CDH13: variants seen among roughly 807,000 people sequenced by gnomAD.
CDH13 encodes cadherin-13.
In CDH13, 24 loss-of-function variants were observed where a neutral mutation model predicts 63.8. That is an observed-to-expected ratio of 0.38 (90% CI 0.27 to 0.53). The LOEUF (loss-of-function observed/expected upper bound fraction) is 0.53. Ranked by LOEUF, CDH13 falls within the 20% of genes least tolerant of loss-of-function variation. The probability of loss-of-function intolerance (pLI) is 0.85; values close to 1 mark genes in which losing one functional copy is unlikely to be tolerated. For synonymous variants in CDH13, 503 were observed against 355.3 expected, an observed-to-expected ratio of 1.42 and a Z score of -4.67; for missense variants, 1,049 against 903.1, an observed-to-expected ratio of 1.16 and a Z score of -2.07.
chr16:82,896,276 ATTT>A (rs59677448), intron 2 of CDH13, among the ~76,000 whole-genome samples: 2,903 of 85,950 alleles, frequency 0.034, 11 homozygotes, highest in Admixed American at 0.046. Context: ...TAGGATTAGG[ATTT>A]TTTTTTTTTT....
rs146052074 is a variant in CDH13 at position 82,713,526 on chromosome 16, C to T, written c.45+86389C>T. ...CTGCCAACACTCTGTGCGGTGTTTC[C>T]GGGAGTCAGAATGGCAGGGTGGTCA... On this transcript the variant is annotated intron_variant, in intron 1 of 13. Transcript: ENST00000567109. Among the ~76,000 whole-genome samples, 6 of 152,100 alleles carry T rather than the reference C, an allele frequency of 3.9e-5. No individual in the cohort carries two copies. In the East Asian group the frequency reaches 7.7e-4, roughly 20 times the overall value.
chr16:83,714,409 C>T (rs920621112), intron 10 of CDH13, among the ~76,000 whole-genome samples: 6 of 152,162 alleles, frequency 3.9e-5, no homozygotes. Context: ...TCTGAAGTGA[C>T]CGCATACCTA....
chr16:83,225,847 C>T (rs1007897618), intron 5 of CDH13, among the ~76,000 whole-genome samples: 3 of 152,098 alleles, frequency 2.0e-5, no homozygotes, highest in African/African-American at 7.2e-5. Context: ...TACCCCAGTT[C>T]GTTCATAATT....
At chr16:83,578,782 T>C (rs1407482065) in intron 7 of CDH13, among the ~76,000 whole-genome samples, 1 of 152,240 alleles carries the variant, frequency 6.6e-6, no homozygotes, top group African/African-American at 2.4e-5. Flanking sequence ...TACAGTAATA[T>C]TAATAACTGC....
chr16:83,540,028 G>T (rs2075269846), intron 7 of CDH13, among the ~76,000 whole-genome samples: 1 of 151,724 alleles, frequency 6.6e-6, no homozygotes, highest in Non-Finnish European at 1.5e-5. Context: ...TCCTGGACAA[G>T]ACTGATTTTT....
intron 8 of CDH13, among the ~76,000 whole-genome samples, chr16:83,624,591 C>T (rs529464597): frequency 6.6e-6 from 1 of 152,088 alleles, no homozygotes; most frequent in Non-Finnish European, 1.5e-5. Context: ...TGACAGGAGG[C>T]GGTGCTCAGG....
chr16:83,047,344 G>A lies in CDH13; in HGVS notation c.366+15126G>A, dbSNP rs1156746645. Among the ~76,000 whole-genome samples the A allele has an allele frequency of 6.6e-6, 1 of 152,092 alleles. No individual in the cohort carries two copies. The highest frequency in any genetic ancestry group is 2.4e-5 in the African/African-American group (1 of 41,402). ...TGCATTGTCCATTCTCGTAAACCGT[G>A]GTTAACACAGATAATTGAGACTTGA... On this transcript the variant is annotated intron_variant, in intron 3 of 13. Coordinates refer to ENST00000567109, the MANE Select transcript of CDH13 (RefSeq NM_001257.5). The surrounding 1 kb of genome is among the most constrained non-coding windows in gnomAD (Gnocchi z 4.9).
At chr16:83,316,721 C>T (rs1567586658) in intron 5 of CDH13, among the ~76,000 whole-genome samples, 1 of 152,224 alleles carries the variant, frequency 6.6e-6, no homozygotes, top group East Asian at 1.9e-4. Context: ...CTCTGCATGG[C>T]ATTCTGTAAT....
chr16:83,764,485 A>T (rs1290095858), intron 11 of CDH13, among the ~76,000 whole-genome samples: 3 of 152,194 alleles, frequency 2.0e-5, no homozygotes, highest in Admixed American at 2.0e-4. Flanking sequence ...TGCCCATCTC[A>T]ACCAGTTCAT....
At chr16:82,634,320 G>A (rs1908388631) in intron 1 of CDH13, among the ~76,000 whole-genome samples, 1 of 152,242 alleles carries the variant, frequency 6.6e-6, no homozygotes, top group Non-Finnish European at 1.5e-5. Context: ...TGTGTTGTGT[G>A]CTGCAGGAAG....
rs75258351 is a variant in CDH13, at chr16:83,268,774, G to T, written c.636+51277G>T. 4.9e-3 allele frequency among the ~76,000 whole-genome samples: 739 copies of T among 152,302 alleles called. 4 individuals carry two copies. Among genetic ancestry groups the T allele is most frequent in the Middle Eastern group, 0.041 (12 of 294 alleles). On this transcript the variant is annotated intron_variant, in intron 5 of 13. Coordinates refer to ENST00000567109, the MANE Select transcript of CDH13 (RefSeq NM_001257.5). ...TATATAGTCCATGAACTACTATTGGGTATAACCACTTGAAGCTGGGCACAG... is the reference window on the plus strand; with the variant it reads ...TATATAGTCCATGAACTACTATTGGTTATAACCACTTGAAGCTGGGCACAG...
intron 6 of CDH13, among the ~76,000 whole-genome samples, chr16:83,478,423 G>A (rs2073669391): frequency 6.6e-6 from 1 of 152,060 alleles, no homozygotes; most frequent in East Asian, 1.9e-4. Flanking sequence ...TGAGGCCAGT[G>A]GAACTAGGCT....
chr16:83,462,457 GA>G (rs1366903758), intron 6 of CDH13, among the ~76,000 whole-genome samples: 1 of 152,202 alleles, frequency 6.6e-6, no homozygotes, highest in Non-Finnish European at 1.5e-5. Context: ...GTGAGATCAA[GA>G]AAGAAATTAG....
intron 8 of CDH13, among the ~76,000 whole-genome samples, chr16:83,658,975 G>A (rs1394094151): frequency 2.1e-5 from 3 of 145,480 alleles, no homozygotes; most frequent in African/African-American, 7.7e-5. Flanking sequence ...TCACCAGCAA[G>A]GTCCCATGTC....
intron 4 of CDH13, among the ~76,000 whole-genome samples, chr16:83,143,128 C>A (rs1490747687): frequency 2.0e-5 from 3 of 152,116 alleles, no homozygotes; most frequent in East Asian, 1.9e-4. Context: ...GAGTTAAGGG[C>A]AGGCTGTCTT....
chr16:82,991,941 A>T (rs1262647227), intron 2 of CDH13, among the ~76,000 whole-genome samples: 1 of 152,210 alleles, frequency 6.6e-6, no homozygotes, highest in South Asian at 2.1e-4. Flanking sequence ...ATCAAAAAGA[A>T]GGTAGTGAAT....
rs111556980 is a variant in CDH13 at position 82,691,306 on chromosome 16, C to G, written c.45+64169C>G. On this transcript the variant is annotated intron_variant, in intron 1 of 13. Transcript: ENST00000567109. ...TATGCCAATGGCTGCCAGCATCTTC[C>G]TGCTTTGGGGAATTCTCAGCAGCCA... is the stretch of plus-strand genomic sequence containing the variant. 4.0e-3 allele frequency among the ~76,000 whole-genome samples: 615 copies of G among 152,304 alleles called. 1 individual carries two copies. Among genetic ancestry groups the G allele is most frequent in the African/African-American group, 0.014 (575 of 41,564 alleles).
intron 10 of CDH13, among the ~76,000 whole-genome samples, chr16:83,742,005 G>T (rs1041614817): frequency 7.2e-5 from 11 of 152,196 alleles, no homozygotes; most frequent in Admixed American, 2.6e-4. Context: ...CCAGTCCATG[G>T]TGCCAAAGAG....
At chr16:82,893,504 G>T (rs1231656711) in intron 2 of CDH13, among the ~76,000 whole-genome samples, 1 of 152,206 alleles carries the variant, frequency 6.6e-6, no homozygotes, top group Non-Finnish European at 1.5e-5. Context: ...AATTTTTCCT[G>T]TGGGTAATAC....
Sources: gnomAD v4.1 joint callset for allele counts (sites outside exome capture counted in the v4.1 genomes callset) on GRCh38, gnomAD v4.1.1 for gene constraint, Gnocchi (gnomAD v3.1) non-coding constraint, MANE v1.5 for transcripts, NCBI Gene and HGNC (gene_info 2026-07-23, HGNC 2026-07-21) for gene names.